Variants in ECM2 observed in about 807,000 individuals in gnomAD.
The protein encoded by ECM2 is extracellular matrix protein 2, female organ and adipocyte specific.
Under a neutral mutation model 67.5 loss-of-function variants are expected in ECM2, and 57 were observed. The observed-to-expected ratio is 0.84, with a 90% CI of 0.68 to 1.05. ECM2 has a LOEUF of 1.05. Ranked by LOEUF, ECM2 falls within the 50% of genes least tolerant of loss-of-function variation. The pLI is 0.00. For synonymous variants in ECM2, 258 were observed against 294.5 expected, an observed-to-expected ratio of 0.88 and a Z score of 1.27; for missense variants, 741 against 822.8, an observed-to-expected ratio of 0.90 and a Z score of 1.22.
At chr9:92,528,580 T>C (rs1848557711) in intron 1 of ECM2, among the ~76,000 whole-genome samples, 1 of 152,148 alleles carries the variant, frequency 6.6e-6, no homozygotes, top group Non-Finnish European at 1.5e-5. Flanking sequence ...AACAGGTCTC[T>C]GGAGCTTAAA....
intron 2 of ECM2, among the ~76,000 whole-genome samples, chr9:92,521,368 CATT>C (rs995138715): frequency 6.6e-6 from 1 of 152,058 alleles, no homozygotes; most frequent in Non-Finnish European, 1.5e-5. Flanking sequence ...GTTATGAGTA[CATT>C]ATTATTACAA....
chr9:92,499,286 C>T (rs1279408424), intron 9 of ECM2, among the ~76,000 whole-genome samples: 1 of 152,190 alleles, frequency 6.6e-6, no homozygotes, highest in Non-Finnish European at 1.5e-5. Flanking sequence ...TTCTTACTCC[C>T]ACTGGTGGTT....
chr9:92,500,424 C>G (rs1242670774), intron 9 of ECM2, among the ~76,000 whole-genome samples: 1 of 152,228 alleles, frequency 6.6e-6, no homozygotes, highest in Non-Finnish European at 1.5e-5. Context: ...CTCAGGTGAT[C>G]CGCCCGCCTT....
chr9:92,536,713 T>C (rs1270236300), upstream of ECM2: 1 of 152,170 alleles, frequency 6.6e-6, no homozygotes, highest in Non-Finnish European at 1.5e-5. Context: ...ATGAGGGACC[T>C]TGAGTAAGTT....
chr9:92,521,833 T>C (rs1379619160), intron 2 of ECM2, among the ~76,000 whole-genome samples: 2 of 152,188 alleles, frequency 1.3e-5, no homozygotes, highest in Admixed American at 6.5e-5. Flanking sequence ...ATCATCTGAA[T>C]AATTTATTTC....
chr9:92,547,464 T>C, the ECM2 span, among the ~76,000 whole-genome samples: 2 of 152,254 alleles, frequency 1.3e-5, no homozygotes, highest in Non-Finnish European at 2.9e-5. Context: ...GGGAATATTA[T>C]TTGGTAATAA....
chr9:92,517,694 G>A lies in ECM2; in HGVS notation c.474C>T (p.Ser158=), dbSNP rs754446535. The A allele has an allele frequency of 8.7e-6, 14 of 1,613,962 alleles. No homozygotes were observed. The highest frequency in any genetic ancestry group is 4.0e-5 in the African/African-American group (3 of 74,862). The change falls in exon 3 of 10, where the codon TCC becomes TCT. Residue 158 remains serine (S), a synonymous_variant. Coordinates refer to ENST00000344604, the MANE Select transcript of ECM2 (RefSeq NM_001393.4). ...TTAGCTAAATCTCTGTACCAGTAGC[G>A]GAGCAGACCGGGCAGCATTCCCCTT... ...IPEGECCPVC[S]ATVSYSLLSG...
At chr9:92,557,046 ATTTG>A in the ECM2 span, among the ~76,000 whole-genome samples, 1 of 152,170 alleles carries the variant, frequency 6.6e-6, no homozygotes, top group Non-Finnish European at 1.5e-5. Flanking sequence ...TTCTCTCAGC[ATTTG>A]TTTGTCTGAA....
chr9:92,542,748 G>A, the ECM2 span, among the ~76,000 whole-genome samples: 7 of 152,226 alleles, frequency 4.6e-5, no homozygotes, highest in Admixed American at 2.0e-4. Flanking sequence ...ATCTGACCTC[G>A]TGATCCACCG....
intron 8 of ECM2, 140 bp downstream of exon 8, chr9:92,502,373 C>A: frequency 9.6e-7 from 1 of 1,041,156 alleles, no homozygotes; most frequent in Non-Finnish European, 1.4e-6. Context: ...GGTAAGGGTT[C>A]ACTAAGAAAC....
intron 1 of ECM2, among the ~76,000 whole-genome samples, chr9:92,534,194 T>G (rs1427363553): frequency 6.6e-6 from 1 of 152,226 alleles, no homozygotes; most frequent in East Asian, 1.9e-4. Context: ...GAGCTCCCCT[T>G]TTTATTTCCT....
chr9:92,552,216 C>CACACACA, the ECM2 span, among the ~76,000 whole-genome samples: 1 of 146,648 alleles, frequency 6.8e-6, no homozygotes, highest in Non-Finnish European at 1.5e-5. Context: ...CACACACACA[C>CACACACA]CCCACAGTTT....
the ECM2 span, among the ~76,000 whole-genome samples, chr9:92,557,424 T>C: frequency 6.6e-6 from 1 of 152,224 alleles, no homozygotes; most frequent in Non-Finnish European, 1.5e-5. Context: ...TTTTTCAAGC[T>C]TTTAGAATTC....
chr9:92,503,906 G>T (rs1846836996), intron 7 of ECM2, among the ~76,000 whole-genome samples: 1 of 152,210 alleles, frequency 6.6e-6, no homozygotes, highest in Non-Finnish European at 1.5e-5. Flanking sequence ...CCTTGAGGCT[G>T]CATGGTTAAG....
At chr9:92,518,826 T>G (rs1847887448) in intron 2 of ECM2, among the ~76,000 whole-genome samples, 2 of 152,010 alleles carry the variant, frequency 1.3e-5, no homozygotes, top group Admixed American at 1.3e-4. Flanking sequence ...GAGGTGGAGG[T>G]TGCAGTGAGC....
chr9:92,546,538 A>G, the ECM2 span, among the ~76,000 whole-genome samples: 2,320 of 152,058 alleles, frequency 0.015, 44 homozygotes, highest in African/African-American at 0.053. Flanking sequence ...TGTAATAGTC[A>G]ACGCCAAGGT....
At chr9:92,529,451 C>T (rs905690351) in intron 1 of ECM2, among the ~76,000 whole-genome samples, 3 of 152,152 alleles carry the variant, frequency 2.0e-5, no homozygotes, top group African/African-American at 7.2e-5. Context: ...AATCGTGCCC[C>T]TTGGTATTTA....
In ECM2 at chr9:92,506,325, T is replaced by C. The variant is rs77757663; in HGVS notation, c.1307-635A>G. Among the ~76,000 whole-genome samples, 309 of 152,318 alleles carry C rather than the reference T, an allele frequency of 2.0e-3. 2 individuals are homozygous for C. Among genetic ancestry groups the C allele is most frequent in the African/African-American group, 7.0e-3 (292 of 41,582 alleles). On this transcript the variant is annotated intron_variant, in intron 6 of 9. Transcript: ENST00000344604. ...CCAAATGGAAGCTTTGAAAGAATGA[T>C]GATCAAAAATTCTCCATGCATTCAG...
chr9:92,520,725 A>G (rs998277641), intron 2 of ECM2, among the ~76,000 whole-genome samples: 2 of 152,252 alleles, frequency 1.3e-5, no homozygotes, highest in South Asian at 4.1e-4. Context: ...CAACTGGTAG[A>G]CAATATGGAT....
Sources: allele counts gnomAD v4.1 joint callset (sites outside exome capture counted in the v4.1 genomes callset), GRCh38; gene constraint gnomAD v4.1.1; transcripts MANE v1.5; gene names NCBI Gene and HGNC (gene_info 2026-07-23, HGNC 2026-07-21).